The following GRIK4 variants were observed in gnomAD, a reference collection of about 807,000 sequenced individuals.
GRIK4 encodes the protein glutamate receptor ionotropic, kainate 4.
Under a neutral mutation model 104.9 loss-of-function variants are expected in GRIK4, and 40 were observed. That is an observed-to-expected ratio of 0.38 (90% CI 0.30 to 0.50). The LOEUF (loss-of-function observed/expected upper bound fraction) is 0.50, where lower values mean the gene tolerates loss of function less well. GRIK4 is among the 20% of genes least tolerant of loss of function. GRIK4 has a pLI of 0.93. For missense variants in GRIK4, 1,047 were observed against 1,308.1 expected (o/e 0.80, Z 3.08); for synonymous variants, 485 against 524.9 (o/e 0.92, Z 1.04).
chr11:120,894,737 C>T (rs1221676671), intron 11 of GRIK4: 1 of 152,352 alleles, frequency 6.6e-6, no homozygotes, highest in Admixed American at 6.5e-5. Flanking sequence ...CAGGGTGGAG[C>T]AAAGGGATTT....
intron 3 of GRIK4, among the ~76,000 whole-genome samples, chr11:120,789,655 C>T (rs1242603548): frequency 6.6e-6 from 1 of 152,116 alleles, no homozygotes; most frequent in Non-Finnish European, 1.5e-5. Flanking sequence ...GACCTTCAGG[C>T]CTCCATCCCA....
intron 1 of GRIK4, among the ~76,000 whole-genome samples, chr11:120,641,392 A>G (rs185982388): frequency 2.0e-4 from 31 of 152,108 alleles, no homozygotes; most frequent in Admixed American, 5.2e-4. Context: ...AAAAACAACT[A>G]AAGGAATAAA....
At chr11:120,519,634 C>A (rs1591670268) in intron 1 of GRIK4, among the ~76,000 whole-genome samples, 1 of 152,274 alleles carries the variant, frequency 6.6e-6, no homozygotes. Flanking sequence ...GTTTATTATA[C>A]CCATTTTACA....
At chr11:120,690,871 G>A (rs964120985) in intron 3 of GRIK4, among the ~76,000 whole-genome samples, 5 of 152,162 alleles carry the variant, frequency 3.3e-5, no homozygotes, top group Non-Finnish European at 5.9e-5. Context: ...ATGTGGCTCT[G>A]TCTCGCATAT....
At chr11:120,571,157 C>G (rs1948392928) in intron 1 of GRIK4, among the ~76,000 whole-genome samples, 1 of 152,174 alleles carries the variant, frequency 6.6e-6, no homozygotes, top group South Asian at 2.1e-4. Context: ...CCCCTCCTCC[C>G]TAGACTCCTT....
At chr11:120,683,300 A>C (rs1480564477) in intron 3 of GRIK4, among the ~76,000 whole-genome samples, 1 of 152,216 alleles carries the variant, frequency 6.6e-6, no homozygotes, top group African/African-American at 2.4e-5. Flanking sequence ...TCTTGGTAGT[A>C]GGCTGGATGT....
intron 1 of GRIK4, among the ~76,000 whole-genome samples, chr11:120,642,471 T>C (rs1949481948): frequency 6.6e-6 from 1 of 150,610 alleles, no homozygotes; most frequent in Admixed American, 6.6e-5. Context: ...ATTTTCCCTC[T>C]CTGGGCATTT....
chr11:120,891,903 G>C (rs896481685), intron 11 of GRIK4, among the ~76,000 whole-genome samples: 1 of 152,192 alleles, frequency 6.6e-6, no homozygotes, highest in South Asian at 2.1e-4. Context: ...GAAGGTCCAC[G>C]TGATAAATAT....
chr11:120,866,634 C>T (rs753264644), intron 9 of GRIK4, among the ~76,000 whole-genome samples: 4 of 152,086 alleles, frequency 2.6e-5, no homozygotes, highest in African/African-American at 7.2e-5. Flanking sequence ...GTGCTGCCGG[C>T]GGAGAACAAG....
At chr11:120,844,682 C>A (rs1301740316) in intron 8 of GRIK4, among the ~76,000 whole-genome samples, 2 of 152,164 alleles carry the variant, frequency 1.3e-5, no homozygotes, top group African/African-American at 4.8e-5. Flanking sequence ...TCCGCAGGAC[C>A]CCCGGTACTT....
chr11:120,674,013 A>G (rs1033828539), intron 3 of GRIK4, among the ~76,000 whole-genome samples: 1 of 152,152 alleles, frequency 6.6e-6, no homozygotes, highest in African/African-American at 2.4e-5. Flanking sequence ...GGGGCCATAC[A>G]GAACAGGCCT....
chr11:120,579,152 CTGCATGA>C (rs1310075261), intron 1 of GRIK4, among the ~76,000 whole-genome samples: 1 of 152,058 alleles, frequency 6.6e-6, no homozygotes, highest in African/African-American at 2.4e-5. Flanking sequence ...GTGAACAAGG[CTGCATGA>C]TGGTGGAGTG....
At chr11:120,947,145 T>C (rs1287648340) in intron 14 of GRIK4, among the ~76,000 whole-genome samples, 1 of 152,206 alleles carries the variant, frequency 6.6e-6, no homozygotes, top group African/African-American at 2.4e-5. Context: ...GGCTCATGCC[T>C]GTAATCCCAG....
intron 1 of GRIK4, among the ~76,000 whole-genome samples, chr11:120,547,968 G>C (rs1171106456): frequency 6.6e-6 from 1 of 152,234 alleles, no homozygotes; most frequent in African/African-American, 2.4e-5. Flanking sequence ...TGCCCGGCCT[G>C]TGACTCAGAG....
At chr11:120,689,161 G>A (rs1950317957) in intron 3 of GRIK4, among the ~76,000 whole-genome samples, 1 of 152,064 alleles carries the variant, frequency 6.6e-6, no homozygotes, top group African/African-American at 2.4e-5. Flanking sequence ...ACAGGTTGAG[G>A]AATAGTGCTG....
intron 19 of GRIK4, among the ~76,000 whole-genome samples, chr11:120,968,291 T>A (rs941636838): frequency 2.0e-5 from 3 of 152,222 alleles, no homozygotes; most frequent in South Asian, 2.1e-4. Flanking sequence ...TTAATGCCTA[T>A]AAATTATTTC....
At chr11:120,908,352 T>C (rs1364817439) in intron 13 of GRIK4, among the ~76,000 whole-genome samples, 51 of 152,186 alleles carry the variant, frequency 3.4e-4, no homozygotes, top group Non-Finnish European at 1.5e-5. Context: ...CATTATTTTA[T>C]CCTTTCCACC....
At chr11:120,808,825 G>C (rs1952768716) in intron 4 of GRIK4, among the ~76,000 whole-genome samples, 1 of 152,140 alleles carries the variant, frequency 6.6e-6, no homozygotes, top group Non-Finnish European at 1.5e-5. Context: ...CTCCATTCAG[G>C]CTGCAGCATC....
At chr11:120,946,161 A>G (rs552749976) in intron 14 of GRIK4, among the ~76,000 whole-genome samples, 75 of 152,360 alleles carry the variant, frequency 4.9e-4, no homozygotes, top group African/African-American at 1.6e-3. Flanking sequence ...ATTTGACGTT[A>G]GAGTATATCA....
Sources: allele counts gnomAD v4.1 joint callset (sites outside exome capture counted in the v4.1 genomes callset), GRCh38; gene constraint gnomAD v4.1.1; transcripts MANE v1.5; gene names NCBI Gene and HGNC (gene_info 2026-07-23, HGNC 2026-07-21).